Variants in CERS3 observed in about 807,000 individuals in gnomAD.
CERS3 encodes the protein LAG1 homolog, ceramide synthase 3.
A neutral mutation model predicts 50.3 loss-of-function variants in CERS3; 33 were observed. The ratio of observed to expected loss-of-function variants is 0.66; its 90% CI spans 0.50 to 0.88. The LOEUF (loss-of-function observed/expected upper bound fraction) is 0.88. Among genes scored for constraint, CERS3 ranks in the 40% least tolerant of loss-of-function variants. The pLI is 0.00. For missense variants in CERS3, 470 were observed against 460.3 expected (o/e 1.02, Z -0.19); for synonymous variants, 176 against 155.2 (o/e 1.13, Z -0.99).
chr15:100,517,508 C>A, intron 2 of CERS3, among the ~76,000 whole-genome samples: 1 of 152,036 alleles, frequency 6.6e-6, no homozygotes, highest in South Asian at 2.1e-4. Context: ...GGCAGTGCCA[C>A]CAAAGGAATC....
At chr15:100,414,065 G>A (rs1307546072) in intron 11 of CERS3, among the ~76,000 whole-genome samples, 1 of 152,086 alleles carries the variant, frequency 6.6e-6, no homozygotes, top group Non-Finnish European at 1.5e-5. Context: ...AAAAATCAAG[G>A]AGGAGGGACT....
In CERS3 at chr15:100,400,789, A is replaced by G. The variant is rs189542423; in HGVS notation, c.*1924T>C. 1.8e-4 allele frequency: 28 copies of G among 152,228 alleles called. No homozygotes were observed. The highest frequency in any genetic ancestry group is 6.7e-4 in the African/African-American group (28 of 41,562). The allele number at this position is 152,228 out of a possible 1,614,324, so 9.4% of individuals were successfully genotyped here. A position where few individuals can be genotyped will look rare whatever the true frequency, so the allele number is the denominator to read the frequency against. On this transcript the variant is annotated 3_prime_UTR_variant, in exon 12 of 12. Transcript: ENST00000679737. ...CTGAAAACATAAAAAATTATATCTT[A>G]GTGTGACCTTCTTCCAGCAAAATAA...
upstream of CERS3, among the ~76,000 whole-genome samples, chr15:100,533,078 G>A (rs1255094969): frequency 3.9e-5 from 6 of 152,156 alleles, no homozygotes; most frequent in African/African-American, 7.2e-5. Context: ...TCTCTTTGCC[G>A]GATAACCTGA....
intron 11 of CERS3, among the ~76,000 whole-genome samples, chr15:100,439,695 C>G (rs1179104680): frequency 6.6e-6 from 1 of 152,174 alleles, no homozygotes. Context: ...ACTATGCCTT[C>G]AAATAGTGTT....
chr15:100,534,663 AATGCAAC>A (rs141494701), intron 1 of CERS3, among the ~76,000 whole-genome samples: 57,169 of 150,450 alleles, frequency 0.38, 11,741 homozygotes, highest in South Asian at 0.46. Flanking sequence ...AACTCAAAAG[AATGCAAC>A]TCAAATTGCT....
chr15:100,506,414 T>C (rs556220284), intron 2 of CERS3, among the ~76,000 whole-genome samples: 2 of 150,594 alleles, frequency 1.3e-5, no homozygotes, highest in African/African-American at 4.9e-5. Context: ...CACCCATAGC[T>C]GCCATCCAAC....
At position 100,403,969 on chromosome 15, in the gene CERS3, G is replaced by A. The variant is rs137898206; in HGVS notation, c.1000-1104C>T. Among the ~76,000 whole-genome samples the A allele has an allele frequency of 3.0e-3, 450 of 152,322 alleles. 1 individual carries two copies. The highest frequency in any genetic ancestry group is 5.4e-3 in the Non-Finnish European group (365 of 68,028). ...AGATGAGAATAGTATCCTAGATTATGTAAGTGGGCCCTCTATGGCATCACA... is the reference window on the plus strand; with the variant it reads ...AGATGAGAATAGTATCCTAGATTATATAAGTGGGCCCTCTATGGCATCACA... On this transcript the variant is annotated intron_variant, in intron 11 of 11. Coordinates refer to ENST00000679737, the MANE Select transcript of CERS3 (RefSeq NM_001378789.1).
chr15:100,400,825 ATAT>A lies in CERS3; in HGVS notation c.*1885_*1887del, dbSNP rs1200164063. ...CTTCCAGCAAAATAATAATAATATA[ATAT>A]TAATAATAAGTCAATAGCTATACCC... is the stretch of plus-strand genomic sequence containing the variant. On this transcript the variant is annotated 3_prime_UTR_variant, in exon 12 of 12. Coordinates refer to ENST00000679737, the MANE Select transcript of CERS3 (RefSeq NM_001378789.1). The A allele has an allele frequency of 6.6e-6, 1 of 151,982 alleles. No individual in the cohort carries two copies. Among genetic ancestry groups the A allele is most frequent in the East Asian group, 1.9e-4 (1 of 5,194 alleles). 9.4% of individuals were successfully genotyped at this position (151,982 alleles called of 1,614,324 possible).
chr15:100,415,694 A>G (rs539287647), intron 11 of CERS3, among the ~76,000 whole-genome samples: 1 of 152,348 alleles, frequency 6.6e-6, no homozygotes, highest in East Asian at 1.9e-4. Context: ...ACAGGAACAG[A>G]AAACCAAACA....
At chr15:100,430,836 CCTT>C (rs2033093782) in intron 11 of CERS3, among the ~76,000 whole-genome samples, 2 of 152,136 alleles carry the variant, frequency 1.3e-5, no homozygotes, top group South Asian at 4.1e-4. Flanking sequence ...AGTTTTTTCC[CCTT>C]TTTTCCCTCC....
chr15:100,484,019 T>C (rs564790661), intron 5 of CERS3, among the ~76,000 whole-genome samples: 22 of 151,894 alleles, frequency 1.4e-4, no homozygotes, highest in Admixed American at 1.1e-3. Flanking sequence ...CTAAAAATCC[T>C]GGGAAACCAA....
intron 2 of CERS3, among the ~76,000 whole-genome samples, chr15:100,516,986 C>T (rs1292239279): frequency 1.3e-5 from 2 of 152,218 alleles, no homozygotes; most frequent in African/African-American, 4.8e-5. Flanking sequence ...ATGCCACTTT[C>T]ACCACTTTCC....
At chr15:100,539,367 A>C (rs2037147349) in intron 1 of CERS3, among the ~76,000 whole-genome samples, 1 of 152,200 alleles carries the variant, frequency 6.6e-6, no homozygotes, top group African/African-American at 2.4e-5. Flanking sequence ...GTACTGTATT[A>C]GTCCATTTTC....
At chr15:100,510,626 G>A (rs1204414872) in intron 2 of CERS3, among the ~76,000 whole-genome samples, 1 of 152,098 alleles carries the variant, frequency 6.6e-6, no homozygotes, top group Non-Finnish European at 1.5e-5. Context: ...CCCCAGATGT[G>A]GCATGTGTGA....
intron 11 of CERS3, among the ~76,000 whole-genome samples, chr15:100,439,140 T>A (rs2033564059): frequency 6.6e-6 from 1 of 152,214 alleles, no homozygotes; most frequent in African/African-American, 2.4e-5. Context: ...AGGGTCCATA[T>A]AAGCTAGAGT....
chr15:100,498,085 G>A lies in CERS3; in HGVS notation c.173+3592C>T, dbSNP rs189619935. The stretch of plus-strand genomic sequence containing the variant: ...ATTTTTTTGTATTTTTAGTACAGAC[G>A]GGGTTTCACTATGTTGGCCAGGATG... On this transcript the variant is annotated intron_variant, in intron 3 of 11. Coordinates refer to ENST00000679737, the MANE Select transcript of CERS3 (RefSeq NM_001378789.1). Among the ~76,000 whole-genome samples the A allele has an allele frequency of 5.7e-3, 872 of 151,950 alleles. 9 individuals are homozygous for A. The highest frequency in any genetic ancestry group is 7.7e-3 in the Admixed American group (117 of 15,254).
At chr15:100,486,320 G>T (rs1455379450) in intron 4 of CERS3, among the ~76,000 whole-genome samples, 1 of 152,148 alleles carries the variant, frequency 6.6e-6, no homozygotes, top group South Asian at 2.1e-4. Flanking sequence ...TGGTAGGAAG[G>T]GCAGGAAGCT....
intron 11 of CERS3, among the ~76,000 whole-genome samples, chr15:100,446,180 C>G (rs1344690451): frequency 6.6e-6 from 1 of 152,180 alleles, no homozygotes; most frequent in African/African-American, 2.4e-5. Context: ...GTTTGGTGGT[C>G]TCTTCACACA....
At chr15:100,426,183 TAAAC>T (rs2032800494) in intron 11 of CERS3, 1 of 152,212 alleles carries the variant, frequency 6.6e-6, no homozygotes, top group Non-Finnish European at 1.5e-5. Flanking sequence ...ATTCAATTAA[TAAAC>T]TAAATGTTGC....
Sources: gnomAD v4.1 joint callset for allele counts (sites outside exome capture counted in the v4.1 genomes callset) on GRCh38, gnomAD v4.1.1 for gene constraint, MANE v1.5 for transcripts, NCBI Gene and HGNC (gene_info 2026-07-23, HGNC 2026-07-21) for gene names.